ATAD1: variants seen among roughly 807,000 people sequenced by gnomAD.
ATAD1 encodes ATPase family AAA domain containing 1.
A neutral mutation model predicts 42.7 loss-of-function variants in ATAD1; 18 were observed. The ratio of observed to expected loss-of-function variants is 0.42; its 90% CI spans 0.29 to 0.63. The LOEUF (loss-of-function observed/expected upper bound fraction) is 0.63. Ranked by LOEUF, ATAD1 falls within the 20% of genes least tolerant of loss-of-function variation. The probability of loss-of-function intolerance (pLI) is 0.19; values close to 1 mark genes in which losing one functional copy is unlikely to be tolerated. For missense variants in ATAD1, 294 were observed against 440.4 expected, an observed-to-expected ratio of 0.67 and a Z score of 2.98; for synonymous variants, 132 against 143.1, an observed-to-expected ratio of 0.92 and a Z score of 0.55.
chr10:87,803,318 T>C (rs1479674519), intron 2 of ATAD1, among the ~76,000 whole-genome samples: 2 of 152,148 alleles, frequency 1.3e-5, no homozygotes, highest in Non-Finnish European at 2.9e-5. Context: ...ATATGCTTTC[T>C]CCAAAAGATT....
At position 87,831,366 on chromosome 10, in the gene ATAD1, T is replaced by A. The variant is rs116047508; in HGVS notation, c.-14+9821A>T. On this transcript the variant is annotated intron_variant, in intron 1 of 4. Coordinates refer to the ATAD1 transcript ENST00000495903. ...CCTAAATATTTTCCCCTAGAACTTT[T>A]ATCCACGATTCTCATTCTTGCCAGT... is the stretch of plus-strand genomic sequence containing the variant. Among the ~76,000 whole-genome samples the A allele has an allele frequency of 1.5e-3, 231 of 152,352 alleles. 1 individual carries two copies. The highest frequency in any genetic ancestry group is 4.5e-3 in the African/African-American group (189 of 41,586).
At chr10:87,826,452 G>C (rs775356070) in intron 1 of ATAD1, among the ~76,000 whole-genome samples, 4 of 152,196 alleles carry the variant, frequency 2.6e-5, no homozygotes, top group Admixed American at 6.5e-5. Flanking sequence ...GATCAGAAAA[G>C]GGGAGAGTAA....
intron 5 of ATAD1, 90 bp downstream of exon 5, chr10:87,784,380 T>C: frequency 8.4e-7 from 1 of 1,194,248 alleles, no homozygotes; most frequent in Non-Finnish European, 1.2e-6. Context: ...TTTATTAACA[T>C]GGCCTAATAA....
chr10:87,816,087 C>G (rs997385768), intron 1 of ATAD1, among the ~76,000 whole-genome samples: 2 of 152,120 alleles, frequency 1.3e-5, no homozygotes, highest in Admixed American at 1.3e-4. Context: ...CCCTATTACA[C>G]TATCTTAAAA....
intron 1 of ATAD1, among the ~76,000 whole-genome samples, chr10:87,828,528 T>C (rs1367319265): frequency 6.6e-6 from 1 of 152,208 alleles, no homozygotes; most frequent in Admixed American, 6.5e-5. Context: ...GCTATCTTCA[T>C]AACATGTAAG....
At chr10:87,779,502 AC>A (rs1424590656) in intron 5 of ATAD1, among the ~76,000 whole-genome samples, 1 of 152,220 alleles carries the variant, frequency 6.6e-6, no homozygotes, top group African/African-American at 2.4e-5. Flanking sequence ...GTTGTTCCCA[AC>A]ACAAATAAAT....
intron 2 of ATAD1, 71 bp downstream of exon 2, chr10:87,814,367 C>G (rs1857318449): frequency 7.0e-7 from 1 of 1,432,616 alleles, no homozygotes; most frequent in African/African-American, 1.4e-5. Context: ...TGAACTCTAC[C>G]AAATTTTTAG....
intron 2 of ATAD1, among the ~76,000 whole-genome samples, chr10:87,797,829 T>C (rs1245954439): frequency 6.6e-6 from 1 of 152,144 alleles, no homozygotes; most frequent in Non-Finnish European, 1.5e-5. Context: ...TCTATCGCCT[T>C]TTCTACCAAA....
At chr10:87,804,338 T>TAC (rs1199783238) in intron 2 of ATAD1, among the ~76,000 whole-genome samples, 1 of 152,198 alleles carries the variant, frequency 6.6e-6, no homozygotes, top group African/African-American at 2.4e-5. Context: ...CCTTGATGAC[T>TAC]ACTAAACCAC....
At position 87,754,626 on chromosome 10, in the gene ATAD1, C is replaced by T; in HGVS notation, c.*61G>A. ...AAGAGCACTCTTTCCGTTCTATTTC[C>T]ACTAACTGATAAGAGGACACACCAA... On this transcript the variant is annotated 3_prime_UTR_variant, in exon 10 of 10. Transcript: ENST00000680024. 6 of 1,536,768 alleles carry T rather than the reference C, an allele frequency of 3.9e-6. No homozygotes were observed. The highest frequency in any genetic ancestry group is 5.3e-6 in the Non-Finnish European group (6 of 1,131,916).
chr10:87,784,282 T>C (rs181931726), intron 5 of ATAD1, among the ~76,000 whole-genome samples, 188 bp downstream of exon 5: 1 of 152,190 alleles, frequency 6.6e-6, no homozygotes, highest in Non-Finnish European at 1.5e-5. Flanking sequence ...AAAACCTATC[T>C]ATCAAGTAGG....
In ATAD1 at chr10:87,816,624, T is replaced by C. The variant is rs550625492; in HGVS notation, c.-14+1543A>G. Among the ~76,000 whole-genome samples the C allele has an allele frequency of 2.1e-3, 323 of 152,222 alleles. 1 individual carries two copies. The highest frequency in any genetic ancestry group is 2.7e-3 in the Non-Finnish European group (181 of 68,010). On this transcript the variant is annotated intron_variant, in intron 1 of 9. Transcript: ENST00000680024. The stretch of plus-strand genomic sequence containing the variant: ...AGAAGGCACCTAACTGAAATCTCTC[T>C]TCATGGAACAAACCAAAGTGTGCTA...
At chr10:87,825,412 C>A (rs1257745866) in intron 1 of ATAD1, among the ~76,000 whole-genome samples, 1 of 151,606 alleles carries the variant, frequency 6.6e-6, no homozygotes, top group South Asian at 2.1e-4. Context: ...TAGGTTCACG[C>A]CATTCTCCTG....
chr10:87,772,680 C>T (rs1347279263), intron 6 of ATAD1, among the ~76,000 whole-genome samples: 1 of 151,890 alleles, frequency 6.6e-6, no homozygotes, highest in Non-Finnish European at 1.5e-5. Flanking sequence ...AAAAATAGAA[C>T]CAAGGAATCC....
intron 2 of ATAD1, 42 bp downstream of exon 2, chr10:87,814,396 G>C (rs1857319966): frequency 1.3e-6 from 2 of 1,514,796 alleles, no homozygotes; most frequent in Admixed American, 2.2e-5. Context: ...GAAAATACTT[G>C]TTAGCCACAA....
At chr10:87,821,903 C>T (rs759005565), upstream of ATAD1, among the ~76,000 whole-genome samples, 5 of 152,090 alleles carry the variant, frequency 3.3e-5, no homozygotes, top group Non-Finnish European at 5.9e-5. Context: ...AAATTCTGCC[C>T]TAGTGAATGA....
rs186246066 is a variant in ATAD1 at position 87,833,795 on chromosome 10, T to A, written c.-14+7392A>T. 8.2e-5 allele frequency among the ~76,000 whole-genome samples: 12 copies of A among 146,322 alleles called. No individual in the cohort carries two copies. The East Asian group carries it at 2.6e-3, about 31-fold the overall frequency. On this transcript the variant is annotated intron_variant, in intron 1 of 4. Transcript: ENST00000495903. ...CAGGCTGGAGTGCAGTGGCATGATC[T>A]CAGCTCACTGCCACCTCCGCCTCCT...
chr10:87,793,956 G>T (rs1373255758), intron 2 of ATAD1, among the ~76,000 whole-genome samples: 1 of 152,154 alleles, frequency 6.6e-6, no homozygotes, highest in East Asian at 1.9e-4. Context: ...TACTATGGGG[G>T]CCAGGAATGG....
In ATAD1 at chr10:87,810,435, T is replaced by C. The variant is rs74146213; in HGVS notation, c.162+4003A>G. ...AATTTTTAAAAAATCTGAACAATTA[T>C]TAGGTGTTAAAAGTCTCTCACCATG... On this transcript the variant is annotated intron_variant, in intron 2 of 9. Transcript: ENST00000680024. Among the ~76,000 whole-genome samples, 580 of 152,220 alleles carry C rather than the reference T, an allele frequency of 3.8e-3. 6 individuals carry two copies. The highest frequency in any genetic ancestry group is 0.013 in the African/African-American group (554 of 41,508).
Sources: allele counts gnomAD v4.1 joint callset (sites outside exome capture counted in the v4.1 genomes callset), GRCh38; gene constraint gnomAD v4.1.1; transcripts MANE v1.5; gene names NCBI Gene and HGNC (gene_info 2026-07-23, HGNC 2026-07-21).